The following TSPAN2 variants were observed in gnomAD, a reference collection of about 807,000 sequenced individuals.
TSPAN2 encodes tetraspanin-2.
Under a neutral mutation model 33.3 loss-of-function variants are expected in TSPAN2, and 24 were observed. The observed-to-expected ratio is 0.72, with a 90% CI of 0.52 to 1.01. The LOEUF (loss-of-function observed/expected upper bound fraction) is 1.01. Among genes scored for constraint, TSPAN2 ranks in the 50% least tolerant of loss-of-function variants. TSPAN2 has a pLI of 0.00. For missense variants in TSPAN2, 278 were observed against 281.3 expected, an observed-to-expected ratio of 0.99 and a Z score of 0.08; for synonymous variants, 114 against 104.5, an observed-to-expected ratio of 1.09 and a Z score of -0.56.
At position 115,059,392 on chromosome 1, in the gene TSPAN2, A is replaced by G. The variant is rs1647574833; in HGVS notation, c.346-411T>C. Among the ~76,000 whole-genome samples, 5 of 152,354 alleles carry G rather than the reference A, an allele frequency of 3.3e-5. No individual in the cohort carries two copies. The South Asian group carries it at 1.0e-3, about 32-fold the overall frequency. On this transcript the variant is annotated intron_variant, in intron 4 of 7. Coordinates refer to ENST00000369516, the MANE Select transcript of TSPAN2 (RefSeq NM_005725.6). ...GCTTTTGAGGATGGAAGGACAGACTAACCAGAACAGTTTTCATGGACTAGA... is the reference window on the plus strand; with the variant it reads ...GCTTTTGAGGATGGAAGGACAGACTGACCAGAACAGTTTTCATGGACTAGA...
intron 1 of TSPAN2, among the ~76,000 whole-genome samples, chr1:115,088,683 C>T (rs980082977): frequency 4.6e-5 from 7 of 152,168 alleles, no homozygotes; most frequent in Admixed American, 3.9e-4. Flanking sequence ...GCAGAGGCTG[C>T]GGCTGGGGGT....
At chr1:115,081,913 G>A (rs1570985184) in intron 1 of TSPAN2, among the ~76,000 whole-genome samples, 2 of 152,012 alleles carry the variant, frequency 1.3e-5, no homozygotes, top group African/African-American at 2.4e-5. Flanking sequence ...AATTCCTTTC[G>A]GTTTTCTAAA....
chr1:115,086,429 G>C (rs543303464), intron 1 of TSPAN2, among the ~76,000 whole-genome samples: 4 of 152,192 alleles, frequency 2.6e-5, no homozygotes, highest in Non-Finnish European at 4.4e-5. Context: ...TCACCCCCTC[G>C]CTTTGCCCAG....
At chr1:115,085,301 G>A (rs1484981555) in intron 1 of TSPAN2, among the ~76,000 whole-genome samples, 2 of 152,186 alleles carry the variant, frequency 1.3e-5, no homozygotes, top group African/African-American at 2.4e-5. Flanking sequence ...AAATTCAGTG[G>A]TGAGTACAGT....
intron 6 of TSPAN2, among the ~76,000 whole-genome samples, chr1:115,055,962 T>C (rs571438193): frequency 1.3e-5 from 2 of 152,344 alleles, no homozygotes; most frequent in South Asian, 4.1e-4. Flanking sequence ...TCTGTCTGCA[T>C]TTCTGATTCC....
At chr1:115,067,270 AGAGTT>A (rs1344909015) in intron 2 of TSPAN2, among the ~76,000 whole-genome samples, 3 of 152,210 alleles carry the variant, frequency 2.0e-5, no homozygotes, top group African/African-American at 7.2e-5. Flanking sequence ...AAATGGCAGT[AGAGTT>A]ATTTTTCTTC....
intron 2 of TSPAN2, among the ~76,000 whole-genome samples, chr1:115,064,227 C>A (rs908051675): frequency 4.6e-5 from 7 of 152,178 alleles, no homozygotes; most frequent in Admixed American, 3.9e-4. Flanking sequence ...TGGCCTGCAG[C>A]CCCAATTCCC....
Position 115,050,569 on chromosome 1 carries a change from AAC to A in TSPAN2, c.601-16_601-15del. On this transcript the variant is annotated splice_polypyrimidine_tract_variant and intron_variant, in intron 7 of 7. Coordinates refer to ENST00000369516, the MANE Select transcript of TSPAN2 (RefSeq NM_005725.6). Reference sequence around the variant, plus strand: ...CATGCCAAAGATCTGAAACAGAAGAAACACTCATCAGTGACTTTGAAACGGGT... The same window carrying A: ...CATGCCAAAGATCTGAAACAGAAGAAACTCATCAGTGACTTTGAAACGGGT... 1.9e-6 allele frequency: 3 copies of A among 1,613,526 alleles called. No individual in the cohort carries two copies. The highest frequency in any genetic ancestry group is 1.7e-6 in the Non-Finnish European group (2 of 1,179,566).
At position 115,072,386 on chromosome 1, in the gene TSPAN2, A is replaced by T. The variant is rs530495235; in HGVS notation, c.172+519T>A. Reference sequence around the variant, plus strand: ...CTCTGCAGTCCCTAGTCATGGAGAGACTGAGATTAGCACCTTCAAACCTGT... The same window carrying T: ...CTCTGCAGTCCCTAGTCATGGAGAGTCTGAGATTAGCACCTTCAAACCTGT... On this transcript the variant is annotated intron_variant, in intron 2 of 7. Transcript: ENST00000369516. 6.6e-5 allele frequency among the ~76,000 whole-genome samples: 10 copies of T among 151,996 alleles called. No individual in the cohort carries two copies. The East Asian group carries it at 1.7e-3, about 27-fold the overall frequency.
chr1:115,072,808 TC>T, intron 2 of TSPAN2, 96 bp downstream of exon 2: 1 of 1,053,454 alleles, frequency 9.5e-7, no homozygotes, highest in Non-Finnish European at 1.4e-6. Flanking sequence ...CTCTCTGCCC[TC>T]CCCCTCCCAC....
At chr1:115,074,520 A>C (rs1445589388) in intron 1 of TSPAN2, among the ~76,000 whole-genome samples, 1 of 152,134 alleles carries the variant, frequency 6.6e-6, no homozygotes, top group Non-Finnish European at 1.5e-5. Flanking sequence ...GGGGCAGCTA[A>C]AGGACCCGGG....
chr1:115,089,275 G>C lies in TSPAN2; in HGVS notation c.69+89C>G, dbSNP rs548096895. 202 of 1,232,142 alleles carry C rather than the reference G, an allele frequency of 1.6e-4. 1 individual carries two copies. In the African/African-American group the frequency reaches 2.5e-3, roughly 15 times the overall value. 76.3% of individuals were successfully genotyped at this position (1,232,142 alleles called of 1,614,324 possible). ...CAGCCCTCCCCACGAGCGCGACTCGGACGCCGCAGTCAGCAGCTCGGGGAC... is the reference window on the plus strand; with the variant it reads ...CAGCCCTCCCCACGAGCGCGACTCGCACGCCGCAGTCAGCAGCTCGGGGAC... On this transcript the variant is annotated intron_variant, in intron 1 of 7. Transcript: ENST00000369516.
intron 2 of TSPAN2, among the ~76,000 whole-genome samples, chr1:115,070,205 C>G (rs2101037028): frequency 6.6e-6 from 1 of 152,244 alleles, no homozygotes; most frequent in East Asian, 1.9e-4. Flanking sequence ...GACTCTGCCT[C>G]TCACTACCTC....
intron 6 of TSPAN2, among the ~76,000 whole-genome samples, chr1:115,054,272 T>C (rs1320360303): frequency 2.0e-5 from 3 of 152,210 alleles, no homozygotes; most frequent in Non-Finnish European, 4.4e-5. Flanking sequence ...TTTGATACCA[T>C]CTGAGCTATA....
chr1:115,063,690 T>A (rs1000552036), intron 2 of TSPAN2, among the ~76,000 whole-genome samples: 38 of 152,080 alleles, frequency 2.5e-4, no homozygotes, highest in African/African-American at 8.7e-4. Context: ...ATAAAGAAAA[T>A]GTGGTACATA....
chr1:115,080,981 T>C (rs1470906005), intron 1 of TSPAN2, among the ~76,000 whole-genome samples: 1 of 152,236 alleles, frequency 6.6e-6, no homozygotes, highest in Non-Finnish European at 1.5e-5. Context: ...TTGGAGCAGA[T>C]AAACAATTCT....
At chr1:115,071,845 C>G (rs1284892623) in intron 2 of TSPAN2, among the ~76,000 whole-genome samples, 1 of 152,208 alleles carries the variant, frequency 6.6e-6, no homozygotes, top group African/African-American at 2.4e-5. Context: ...GGTAGCACAG[C>G]TGCAGGCTGG....
chr1:115,076,983 C>T (rs1648436117), intron 1 of TSPAN2, among the ~76,000 whole-genome samples: 1 of 151,382 alleles, frequency 6.6e-6, no homozygotes, highest in African/African-American at 2.4e-5. Context: ...TACAGTGGTG[C>T]CATCACAGCT....
rs1175377153 is a variant in TSPAN2, at chr1:115,048,607, A to C, written c.*1883T>G. 2.0e-5 allele frequency: 3 copies of C among 152,028 alleles called. No individual in the cohort carries two copies. The highest frequency in any genetic ancestry group is 2.9e-5 in the Non-Finnish European group (2 of 67,950). The allele number at this position is 152,028 out of a possible 1,614,324, so 9.4% of individuals were successfully genotyped here. A position where few individuals can be genotyped will look rare whatever the true frequency, so the allele number is the denominator to read the frequency against. ...ACTCACTTTTGTGGAATCAGAGATG[A>C]TTCTGAGTTGGAAAGAACCCGAGTA... is the stretch of plus-strand genomic sequence containing the variant. On this transcript the variant is annotated 3_prime_UTR_variant, in exon 8 of 8. Transcript: ENST00000369516.
Sources: allele counts gnomAD v4.1 joint callset (sites outside exome capture counted in the v4.1 genomes callset), GRCh38; gene constraint gnomAD v4.1.1; transcripts MANE v1.5; gene names NCBI Gene and HGNC (gene_info 2026-07-23, HGNC 2026-07-21).